The following SRBD1 variants were observed in gnomAD, a reference collection of about 807,000 sequenced individuals.
SRBD1 encodes the protein S1 RNA-binding domain-containing protein 1.
SRBD1 carries 88 observed loss-of-function variants against 115.3 expected under a neutral mutation model. The ratio of observed to expected loss-of-function variants is 0.76; its 90% CI spans 0.64 to 0.91. The LOEUF (loss-of-function observed/expected upper bound fraction) is 0.91, where lower values mean the gene tolerates loss of function less well. Ranked by LOEUF, SRBD1 falls within the 40% of genes least tolerant of loss-of-function variation. SRBD1 has a pLI of 0.00. For synonymous variants in SRBD1, 509 were observed against 407.7 expected (o/e 1.25, Z -2.99); for missense variants, 1,385 against 1,177.4 (o/e 1.18, Z -2.58).
At chr2:45,502,511 A>G (rs993394296) in intron 14 of SRBD1, among the ~76,000 whole-genome samples, 1 of 152,178 alleles carries the variant, frequency 6.6e-6, no homozygotes, top group East Asian at 1.9e-4. Flanking sequence ...ATAAAAAAGG[A>G]CCAGTTCATG....
intron 14 of SRBD1, among the ~76,000 whole-genome samples, chr2:45,540,220 A>T (rs1465448902): frequency 6.6e-6 from 1 of 152,086 alleles, no homozygotes; most frequent in African/African-American, 2.4e-5. Context: ...AGGCGCCTGT[A>T]ATCCCAGCTA....
chr2:45,392,058 G>C (rs1445447457), intron 20 of SRBD1, among the ~76,000 whole-genome samples: 2 of 152,046 alleles, frequency 1.3e-5, no homozygotes, highest in Admixed American at 1.3e-4. Context: ...AGGACTACTA[G>C]GAGGCTTCTA....
intron 16 of SRBD1, among the ~76,000 whole-genome samples, chr2:45,446,379 C>T (rs772433980): frequency 5.3e-5 from 8 of 152,138 alleles, no homozygotes; most frequent in Non-Finnish European, 1.2e-4. Flanking sequence ...GCAGGGAGTC[C>T]CCTAACCATG....
intron 19 of SRBD1, among the ~76,000 whole-genome samples, chr2:45,410,374 T>C (rs1044875783): frequency 1.3e-5 from 2 of 152,212 alleles, no homozygotes; most frequent in African/African-American, 4.8e-5. Context: ...TCCTCTCGTA[T>C]GTATTTTTCT....
intron 19 of SRBD1, among the ~76,000 whole-genome samples, chr2:45,395,796 C>T (rs1449952771): frequency 6.6e-6 from 1 of 152,088 alleles, no homozygotes; most frequent in Admixed American, 6.5e-5. Context: ...TGATAGGAAA[C>T]AATGTTTTAT....
chr2:45,579,034 G>A (rs1049460833), intron 7 of SRBD1, among the ~76,000 whole-genome samples: 1 of 151,888 alleles, frequency 6.6e-6, no homozygotes, highest in Admixed American at 6.6e-5. Flanking sequence ...TGAGAGTAGA[G>A]ACCACCAAAA....
At chr2:45,470,777 G>T (rs997924907) in intron 16 of SRBD1, among the ~76,000 whole-genome samples, 3 of 151,994 alleles carry the variant, frequency 2.0e-5, no homozygotes, top group African/African-American at 7.3e-5. Context: ...GTCTTTAGGG[G>T]TCAGTTAGGG....
At chr2:45,599,195 T>G (rs1674006950) in intron 4 of SRBD1, among the ~76,000 whole-genome samples, 1 of 152,168 alleles carries the variant, frequency 6.6e-6, no homozygotes, top group Non-Finnish European at 1.5e-5. Context: ...TCTGTCTATA[T>G]AGTTTATGTT....
intron 16 of SRBD1, among the ~76,000 whole-genome samples, chr2:45,424,281 T>C (rs1259402980): frequency 6.6e-6 from 1 of 152,178 alleles, no homozygotes; most frequent in Non-Finnish European, 1.5e-5. Flanking sequence ...ATCCTGGTAT[T>C]GATACACTTG....
At position 45,419,819 on chromosome 2, in the gene SRBD1, C is replaced by T; in HGVS notation, c.2125G>A (p.Asp709Asn). ...VEECVSFVGV[D>N]INICSEVLLR... ...AAAACTTCTGAACAGATGTTAATAT[C>T]CACTCCCACAAAGCTGACACATTCT... Residue 709 changes from aspartate to asparagine, a missense_variant, in exon 17 of 21, where the codon GAT becomes AAT. By Grantham distance (23) the Asp-to-Asn change is conservative. Coordinates refer to ENST00000263736, the MANE Select transcript of SRBD1 (RefSeq NM_018079.5). The T allele has an allele frequency of 6.2e-7, 1 of 1,613,844 alleles. No individual in the cohort carries two copies. The highest frequency in any genetic ancestry group is 8.5e-7 in the Non-Finnish European group (1 of 1,179,858).
chr2:45,447,505 G>C (rs1668862760), intron 16 of SRBD1: 1 of 152,108 alleles, frequency 6.6e-6, no homozygotes, highest in African/African-American at 2.4e-5. Flanking sequence ...GATACAAAGA[G>C]TTAAGTGATT....
At chr2:45,508,287 T>C (rs371303531) in intron 14 of SRBD1, among the ~76,000 whole-genome samples, 1 of 152,202 alleles carries the variant, frequency 6.6e-6, no homozygotes, top group South Asian at 2.1e-4. Context: ...TAAAGAAAAC[T>C]GGCAATATAA....
intron 16 of SRBD1, among the ~76,000 whole-genome samples, chr2:45,420,613 T>C (rs1414424749): frequency 1.3e-5 from 2 of 152,216 alleles, no homozygotes; most frequent in Non-Finnish European, 2.9e-5. Flanking sequence ...ATATAAGCAA[T>C]CTAAACTGGC....
intron 14 of SRBD1, among the ~76,000 whole-genome samples, chr2:45,495,802 A>G (rs536889152): frequency 1.6e-4 from 24 of 152,212 alleles, no homozygotes; most frequent in Non-Finnish European, 2.9e-4. Context: ...GTTCACTGCT[A>G]ACAAGATACA....
At chr2:45,413,931 C>CA (rs891644285) in intron 18 of SRBD1, among the ~76,000 whole-genome samples, 31 of 146,832 alleles carry the variant, frequency 2.1e-4, no homozygotes, top group African/African-American at 6.3e-4. Flanking sequence ...GAGACTGTCT[C>CA]AAAAAAAAAG....
intron 16 of SRBD1, among the ~76,000 whole-genome samples, chr2:45,422,316 T>C (rs990563142): frequency 6.6e-6 from 1 of 152,196 alleles, no homozygotes; most frequent in Non-Finnish European, 1.5e-5. Context: ...AACAGAAGCC[T>C]GACCGTGTGT....
intron 14 of SRBD1, among the ~76,000 whole-genome samples, chr2:45,533,905 G>T (rs1004135462): frequency 6.6e-6 from 1 of 151,948 alleles, no homozygotes; most frequent in African/African-American, 2.4e-5. Context: ...TATTGGATCT[G>T]GCAACAAAAG....
chr2:45,574,424 C>T (rs1429120779), intron 8 of SRBD1, among the ~76,000 whole-genome samples: 1 of 152,130 alleles, frequency 6.6e-6, no homozygotes, highest in Non-Finnish European at 1.5e-5. Flanking sequence ...GAGTTCCAGG[C>T]TCCCTGTCCA....
At position 45,417,932 on chromosome 2, in the gene SRBD1, G is replaced by C. The variant is rs778668516; in HGVS notation, c.2333+433C>G. Among the ~76,000 whole-genome samples, 104 of 152,190 alleles carry C rather than the reference G, an allele frequency of 6.8e-4. 1 individual carries two copies. The highest frequency in any genetic ancestry group is 1.5e-4 in the Non-Finnish European group (10 of 68,020). ...CCAAAGTTGGTCCTGCCTTAGGACT[G>C]TGCACACTTAGTGTTCACTTTGCCT... On this transcript the variant is annotated intron_variant, in intron 18 of 20. Coordinates refer to ENST00000263736, the MANE Select transcript of SRBD1 (RefSeq NM_018079.5).
Sources: gnomAD v4.1 joint callset for allele counts (sites outside exome capture counted in the v4.1 genomes callset) on GRCh38, gnomAD v4.1.1 for gene constraint, MANE v1.5 for transcripts, NCBI Gene and HGNC (gene_info 2026-07-23, HGNC 2026-07-21) for gene names.